SLC25A23: variants seen among roughly 807,000 people sequenced by gnomAD.
SLC25A23 encodes the protein solute carrier family 25 member 23.
In SLC25A23, 32 loss-of-function variants were observed where a neutral mutation model predicts 53.9. That is an observed-to-expected ratio of 0.59 (90% confidence interval 0.45 to 0.80). The LOEUF (loss-of-function observed/expected upper bound fraction) is 0.80. Ranked by LOEUF, SLC25A23 falls within the 30% of genes least tolerant of loss-of-function variation. The pLI is 0.00. For missense variants in SLC25A23, 575 were observed against 651.4 expected (o/e 0.88, Z 1.28); for synonymous variants, 275 against 264.5 (o/e 1.04, Z -0.38).
At chr19:6,447,832 G>A (rs940088186) in intron 8 of SLC25A23, among the ~76,000 whole-genome samples, 21 of 152,214 alleles carry the variant, frequency 1.4e-4, no homozygotes, top group African/African-American at 4.6e-4. Flanking sequence ...AATCACACCC[G>A]GCTGATTTTT....
rs573952974 is a variant in SLC25A23, at chr19:6,451,057, G to A, written c.1071+1255C>T. ...CGCGCCACTGCATTCCAGCCTGGGC[G>A]ACAGAGTGAGACTCTGTCTCGGGAA... On this transcript the variant is annotated intron_variant, in intron 8 of 9. Coordinates refer to ENST00000301454, the MANE Select transcript of SLC25A23 (RefSeq NM_024103.3). 3.3e-5 allele frequency among the ~76,000 whole-genome samples: 5 copies of A among 149,616 alleles called. No homozygotes were observed. The South Asian group carries it at 1.1e-3, about 32-fold the overall frequency.
In SLC25A23 at chr19:6,457,533, G is replaced by T; in HGVS notation, c.341C>A (p.Ser114Ter). 1.2e-6 allele frequency: 2 copies of T among 1,614,048 alleles called. No individual in the cohort carries two copies. Among genetic ancestry groups the T allele is most frequent in the Non-Finnish European group, 1.7e-6 (2 of 1,180,008 alleles). ...CAAAATTTTCTCAGCCTGCTCCAGC[G>T]AGATGGAAATGCCCAGAGCTCGGAA... ...QSFRALGISI[S>*]LEQAEKILHS... is the part of the protein sequence containing the mutation. Residue 114 changes from serine (S) to a stop codon, truncating the protein, a stop_gained, in exon 3 of 10, where the codon TCG becomes TAG. Transcript: ENST00000301454. LOFTEE classifies it high-confidence loss of function.
At chr19:6,448,073 C>T (rs77292204) in intron 8 of SLC25A23, among the ~76,000 whole-genome samples, 2,749 of 152,322 alleles carry the variant, frequency 0.018, 75 homozygotes, top group African/African-American at 0.063. Flanking sequence ...GTATGTGAAT[C>T]TAGAACTGTG....
Position 6,444,264 on chromosome 19 carries a change from T to C in SLC25A23, c.1109A>G (p.Asp370Gly). The C allele has an allele frequency of 1.9e-6, 3 of 1,605,238 alleles. No individual in the cohort carries two copies. The highest frequency in any genetic ancestry group is 2.5e-6 in the Non-Finnish European group (3 of 1,176,792). ...CACGAGGATGCCTGGGTCTGCCGAG[T>C]CGTGGCTGTACTGCTGAAGCCACCA... ...KNWWLQQYSH[D>G]SADPGILVLL... is the part of the protein sequence containing the mutation. The change falls in exon 9 of 10, where the codon GAC (aspartate) becomes GGC (glycine). Residue 370 changes from aspartate (D) to glycine (G), a missense_variant. Physicochemically the swap from Asp to Gly is moderately conservative, Grantham distance 94 (BLOSUM62 -1). Transcript: ENST00000301454.
rs529957147 is a variant in SLC25A23 at position 6,455,707 on chromosome 19, G to GTTTTT, written c.483+708_483+712dup. Among the ~76,000 whole-genome samples the GTTTTT allele has an allele frequency of 7.2e-5, 9 of 124,946 alleles. 1 individual carries two copies. The highest frequency in any genetic ancestry group is 1.8e-4 in the African/African-American group (6 of 32,634). The allele number at this position is 124,946 out of a possible 152,430, so 82.0% of individuals were successfully genotyped here. A position where few individuals can be genotyped will look rare whatever the true frequency, so the allele number is the denominator to read the frequency against. On this transcript the variant is annotated intron_variant, in intron 4 of 9. Transcript: ENST00000301454. ...TCCCATTGGATCCTCTGAAGACCGT[G>GTTTTT]TTTTTTTTTTTTTTTTTTTTTTTTT... is the stretch of plus-strand genomic sequence containing the variant.
Position 6,444,318 on chromosome 19 carries a change from A to C in SLC25A23, c.1072-17T>G. Reference sequence around the variant, plus strand: ...CTTCAGAGTCTGGAGTGGAGAAGGGAGTAGGGAGGGTTGGGGTGGGTGACC... The same window carrying C: ...CTTCAGAGTCTGGAGTGGAGAAGGGCGTAGGGAGGGTTGGGGTGGGTGACC... On this transcript the variant is annotated splice_polypyrimidine_tract_variant and intron_variant, in intron 8 of 9. Coordinates refer to ENST00000301454, the MANE Select transcript of SLC25A23 (RefSeq NM_024103.3). The C allele has an allele frequency of 1.5e-6, 1 of 653,094 alleles. No homozygotes were observed. Among genetic ancestry groups the C allele is most frequent in the Admixed American group, 2.0e-5 (1 of 50,952 alleles). 40.5% of individuals were successfully genotyped at this position (653,094 alleles called of 1,614,324 possible). A position where few individuals can be genotyped will look rare whatever the true frequency, so the allele number is the denominator to read the frequency against.
At chr19:6,442,933 C>CTTTTTTT (rs2092444189) in intron 9 of SLC25A23, among the ~76,000 whole-genome samples, 1 of 142,304 alleles carries the variant, frequency 7.0e-6, no homozygotes. Context: ...CATGCCCAGC[C>CTTTTTTT]CTTTTTTTTT....
rs1196637459 is a variant in SLC25A23 at position 6,453,962 on chromosome 19, T to A, written c.903+19A>T. The A allele has an allele frequency of 6.3e-7, 1 of 1,599,880 alleles. No individual in the cohort carries two copies. The highest frequency in any genetic ancestry group is 1.7e-5 in the Admixed American group (1 of 58,490). On this transcript the variant is annotated intron_variant, in intron 7 of 9. Transcript: ENST00000301454. ...CCCCACCCTGCCATGGGGCCTCCGC[T>A]GGGGTCCCTCCTTCTCACCTCCATA... is the stretch of plus-strand genomic sequence containing the variant.
chr19:6,452,536 G>A (rs2092607973), intron 7 of SLC25A23, 57 bp from the exon 8 acceptor site: 1 of 1,544,636 alleles, frequency 6.5e-7, no homozygotes, highest in Non-Finnish European at 8.8e-7. Flanking sequence ...CTACATCCAG[G>A]AATGAAGACA....
In SLC25A23 at chr19:6,454,050, A is replaced by T; in HGVS notation, c.834T>A (p.His278Gln). 1 of 1,613,604 alleles carries T rather than the reference A, an allele frequency of 6.2e-7. No individual in the cohort carries two copies. The highest frequency in any genetic ancestry group is 2.2e-5 in the East Asian group (1 of 44,890). The stretch of plus-strand genomic sequence containing the variant: ...AGCCAGCCACGAAGCGCTCCTGCAC[A>T]TGCAGTGTCTCCTGCTGCCCCAGGA... Reference protein sequence around the residue: ...RAILGQQETLHVQERFVAGSL... With the variant: ...RAILGQQETLQVQERFVAGSL... Residue 278 changes from histidine to glutamine, a missense_variant, in exon 7 of 10, where the codon CAT becomes CAA. His to Gln is a conservative substitution (Grantham distance 24). Coordinates refer to ENST00000301454, the MANE Select transcript of SLC25A23 (RefSeq NM_024103.3). The surrounding 1 kb of genome is among the most constrained non-coding windows in gnomAD (Gnocchi z 4.3).
chr19:6,437,238 C>G (rs1174698795), downstream of SLC25A23, among the ~76,000 whole-genome samples: 2 of 151,962 alleles, frequency 1.3e-5, no homozygotes, highest in Non-Finnish European at 2.9e-5. Flanking sequence ...AAACTCCTGG[C>G]CTCAAGCGAT....
downstream of SLC25A23, among the ~76,000 whole-genome samples, chr19:6,439,395 TCTCTCA>T (rs774389023): frequency 0.012 from 1,552 of 129,274 alleles, 7 homozygotes; most frequent in African/African-American, 0.021. Context: ...TCTCTCTCTC[TCTCTCA>T]CACACACACA....
In SLC25A23 at chr19:6,454,878, G is replaced by C. The variant is rs1019934450; in HGVS notation, c.484-161C>G. ...GAAGAGTCCTGTTGGGTCCTACCAG[G>C]TGTCACCAAAGCATCTAACCTAGCA... On this transcript the variant is annotated intron_variant, in intron 4 of 9. Transcript: ENST00000301454. The surrounding 1 kb of genome is among the most constrained non-coding windows in gnomAD (Gnocchi z 4.3). 6.6e-6 allele frequency among the ~76,000 whole-genome samples: 1 copy of C among 152,036 alleles called. No individual in the cohort carries two copies. Among genetic ancestry groups the C allele is most frequent in the Admixed American group, 6.5e-5 (1 of 15,268 alleles).
At chr19:6,455,142 T>C (rs1391585127) in intron 4 of SLC25A23, among the ~76,000 whole-genome samples, 1 of 152,054 alleles carries the variant, frequency 6.6e-6, no homozygotes, top group East Asian at 1.9e-4. Flanking sequence ...TGGCCGGGCA[T>C]GTGCCTGTAG....
At chr19:6,439,430 CACACAG>C (rs951228673), downstream of SLC25A23, among the ~76,000 whole-genome samples, 9 of 151,596 alleles carry the variant, frequency 5.9e-5, no homozygotes, top group Admixed American at 1.3e-4. Context: ...CACACACACA[CACACAG>C]ACACACAAAT....
At chr19:6,436,549 CT>C (rs1249190211), downstream of SLC25A23, 29,533 of 337,618 alleles carry the variant, frequency 0.087, no homozygotes, top group South Asian at 0.14. Flanking sequence ...GCGACAGTGT[CT>C]TTTTTTTTTT....
chr19:6,453,651 G>T (rs1049729801), intron 7 of SLC25A23, among the ~76,000 whole-genome samples: 8 of 152,156 alleles, frequency 5.3e-5, no homozygotes, highest in African/African-American at 1.9e-4. Flanking sequence ...ATCCTTAGAA[G>T]AGGCATATTC....
Position 6,458,274 on chromosome 19 carries a change from C to T in SLC25A23, c.207G>A (p.Glu69=). The change falls in exon 2 of 10, where the codon GAG becomes GAA. Residue 69 remains glutamate, a synonymous_variant. Transcript: ENST00000301454. The stretch of plus-strand genomic sequence containing the variant: ...GCTCCTGCAGATAGCGGGAAAATTC[C>T]TCCAGGTCGAGCCCGCCATCTGGGT... ...DADPDGGLDL[E]EFSRYLQERE... is the part of the protein sequence containing the mutation. 6 of 1,613,552 alleles carry T rather than the reference C, an allele frequency of 3.7e-6. No homozygotes were observed. The highest frequency in any genetic ancestry group is 5.1e-6 in the Non-Finnish European group (6 of 1,179,976).
In SLC25A23 at chr19:6,452,472, T is replaced by G. The variant is rs752171507; in HGVS notation, c.911A>C (p.Lys304Thr). 39 of 1,603,304 alleles carry G rather than the reference T, an allele frequency of 2.4e-5. No homozygotes were observed. The highest frequency in any genetic ancestry group is 3.2e-5 in the Non-Finnish European group (38 of 1,172,472). The change falls in exon 8 of 10, where the codon AAG becomes ACG. Residue 304 changes from lysine to threonine, a missense_variant. Lys to Thr is a moderately conservative substitution (Grantham distance 78). Coordinates refer to ENST00000301454, the MANE Select transcript of SLC25A23 (RefSeq NM_024103.3). Reference protein sequence around the residue: ...QTIIYPMEVLKTRLTLRRTGQ... With the variant: ...QTIIYPMEVLTTRLTLRRTGQ... ...CGTCCGGCGCAAGGTCAGCCGCGTC[T>G]TCAGCACCTGGGGAGAACCTGGTTA...
Sources: allele counts gnomAD v4.1 joint callset (sites outside exome capture counted in the v4.1 genomes callset), GRCh38; gene constraint gnomAD v4.1.1; non-coding constraint Gnocchi (gnomAD v3.1); transcripts MANE v1.5; gene names NCBI Gene and HGNC (gene_info 2026-07-23, HGNC 2026-07-21).